Variants in LRP1B observed in about 807,000 individuals in gnomAD.
LRP1B encodes LDL receptor related protein 1B.
LRP1B carries 217 observed loss-of-function variants against 556.6 expected under a neutral mutation model. The observed-to-expected ratio is 0.39, with a 90% CI of 0.35 to 0.44. The LOEUF is 0.44. Ranked by LOEUF, LRP1B falls within the 20% of genes least tolerant of loss-of-function variation. LRP1B has a pLI of 1.00. For missense variants in LRP1B, 5,053 were observed against 5,620.8 expected, an observed-to-expected ratio of 0.90 and a Z score of 3.23; for synonymous variants, 2,047 against 1,865.8, an observed-to-expected ratio of 1.10 and a Z score of -2.50.
In LRP1B at chr2:140,746,425, C is replaced by T. The variant is rs137907648; in HGVS notation, c.5758+22788G>A. Among the ~76,000 whole-genome samples the T allele has an allele frequency of 4.2e-3, 634 of 152,094 alleles. 5 individuals are homozygous for T. The highest frequency in any genetic ancestry group is 0.013 in the African/African-American group (556 of 41,482). On this transcript the variant is annotated intron_variant, in intron 35 of 90. Coordinates refer to ENST00000389484, the MANE Select transcript of LRP1B (RefSeq NM_018557.3). The stretch of plus-strand genomic sequence containing the variant: ...AATATCGAATCAAAATGTAATTTTG[C>T]TAAGAAGCTTAAATAGGTAGATGGT...
intron 3 of LRP1B, among the ~76,000 whole-genome samples, chr2:141,399,446 C>A (rs551031185): frequency 2.6e-4 from 39 of 149,062 alleles, no homozygotes; most frequent in African/African-American, 8.5e-4. Context: ...GTCACTGTTT[C>A]CTCCCTTTCT....
chr2:140,732,342 A>C (rs1459221008), intron 35 of LRP1B, among the ~76,000 whole-genome samples: 3 of 152,100 alleles, frequency 2.0e-5, no homozygotes, highest in Non-Finnish European at 4.4e-5. Context: ...GATGTTTTTT[A>C]CTTGGATGAC....
chr2:141,639,210 T>G (rs1308989562), intron 2 of LRP1B, among the ~76,000 whole-genome samples: 1 of 139,344 alleles, frequency 7.2e-6, no homozygotes, highest in Non-Finnish European at 1.5e-5. Flanking sequence ...GGCAAAGCAG[T>G]GGTCTTTGCA....
At chr2:140,635,976 TC>T (rs1684058637) in intron 41 of LRP1B, among the ~76,000 whole-genome samples, 1 of 152,122 alleles carries the variant, frequency 6.6e-6, no homozygotes, top group Non-Finnish European at 1.5e-5. Flanking sequence ...CCTAGCCATT[TC>T]TTTGAGGTCT....
At chr2:141,761,733 T>TA (rs1199540953) in intron 2 of LRP1B, among the ~76,000 whole-genome samples, 4 of 152,094 alleles carry the variant, frequency 2.6e-5, no homozygotes, top group Non-Finnish European at 5.9e-5. Context: ...CTTTTTGTCA[T>TA]AAAAAAATGC....
At chr2:141,654,411 C>T (rs1689921330) in intron 2 of LRP1B, among the ~76,000 whole-genome samples, 1 of 152,116 alleles carries the variant, frequency 6.6e-6, no homozygotes, top group Admixed American at 6.5e-5. Flanking sequence ...TGAAACCTTG[C>T]TTGAACTGCC....
chr2:141,311,870 C>T (rs1686824987), intron 3 of LRP1B, among the ~76,000 whole-genome samples: 1 of 152,116 alleles, frequency 6.6e-6, no homozygotes, highest in Non-Finnish European at 1.5e-5. Flanking sequence ...GCAATTGGTA[C>T]TGAGAATTGG....
intron 1 of LRP1B, among the ~76,000 whole-genome samples, chr2:141,832,222 G>A (rs1697135010): frequency 6.7e-6 from 1 of 149,884 alleles, no homozygotes; most frequent in Non-Finnish European, 1.5e-5. Context: ...CTTAAGAACT[G>A]ATCCATTTGT....
intron 35 of LRP1B, among the ~76,000 whole-genome samples, chr2:140,756,123 T>A (rs1688734115): frequency 6.6e-6 from 1 of 151,844 alleles, no homozygotes; most frequent in Non-Finnish European, 1.5e-5. Context: ...AGAAATAAAG[T>A]TAAAGAAATA....
At chr2:140,354,374 C>T (rs1373754908) in intron 75 of LRP1B, among the ~76,000 whole-genome samples, 1 of 151,928 alleles carries the variant, frequency 6.6e-6, no homozygotes, top group Admixed American at 6.6e-5. Context: ...TGATACTTTG[C>T]CTAAGAACAC....
At chr2:141,579,762 T>G (rs1686897246) in intron 2 of LRP1B, among the ~76,000 whole-genome samples, 2 of 124,548 alleles carry the variant, frequency 1.6e-5, no homozygotes, top group African/African-American at 6.3e-5. Flanking sequence ...TGCAGTGGCG[T>G]GATCTCGGCT....
At chr2:140,312,989 G>C (rs1047719847) in intron 83 of LRP1B, among the ~76,000 whole-genome samples, 1 of 151,858 alleles carries the variant, frequency 6.6e-6, no homozygotes, top group South Asian at 2.1e-4. Context: ...TTGCCAAAAG[G>C]CTTAACTGTA....
intron 41 of LRP1B, among the ~76,000 whole-genome samples, chr2:140,610,704 G>A (rs1683040397): frequency 6.6e-6 from 1 of 152,310 alleles, no homozygotes; most frequent in East Asian, 1.9e-4. Context: ...TCCTGCCTCA[G>A]CCTCCTGAGT....
chr2:140,898,937 C>G (rs1694025383), intron 23 of LRP1B: 1 of 376,970 alleles, frequency 2.7e-6, no homozygotes, highest in East Asian at 6.8e-5. Flanking sequence ...ATAAAGATAT[C>G]TGGCTGTCCT....
At chr2:140,388,495 T>A (rs1683865177) in intron 66 of LRP1B, among the ~76,000 whole-genome samples, 1 of 152,192 alleles carries the variant, frequency 6.6e-6, no homozygotes, top group Admixed American at 6.5e-5. Context: ...TAAAAATACC[T>A]GCACCTATTT....
At position 140,700,596 on chromosome 2, in the gene LRP1B, A is replaced by T. The variant is rs762463457; in HGVS notation, c.6453T>A (p.Asn2151Lys). The T allele has an allele frequency of 6.2e-7, 1 of 1,613,502 alleles. No homozygotes were observed. The highest frequency in any genetic ancestry group is 8.5e-7 in the Non-Finnish European group (1 of 1,179,596). Residue 2151 changes from asparagine to lysine, a missense_variant, in exon 41 of 91, where the codon AAT becomes AAA. By Grantham distance (94) the Asn-to-Lys change is moderately conservative. Coordinates refer to ENST00000389484, the MANE Select transcript of LRP1B (RefSeq NM_018557.3). ...EKGTNVCARDNGGCKQLCLYR... is the reference protein window; with the variant it reads ...EKGTNVCARDKGGCKQLCLYR... ...AAAGACAGAGTTGCTTACAGCCACC[A>T]TTGTCCCTGGCACAAACATTGGTCC...
At chr2:141,502,473 G>T (rs764058685) in intron 2 of LRP1B, among the ~76,000 whole-genome samples, 5 of 152,082 alleles carry the variant, frequency 3.3e-5, no homozygotes, top group Non-Finnish European at 7.4e-5. Context: ...TAAAATAAAA[G>T]GTTACGATCT....
At chr2:141,374,902 CATT>C (rs1300883798) in intron 3 of LRP1B, among the ~76,000 whole-genome samples, 1 of 152,058 alleles carries the variant, frequency 6.6e-6, no homozygotes, top group Non-Finnish European at 1.5e-5. Context: ...GTTGCTGGAC[CATT>C]GTTGTGGTCC....
At position 141,134,208 on chromosome 2, in the gene LRP1B, G is replaced by A. The variant is rs531965216; in HGVS notation, c.1013+54213C>T. ...CCTCATCTACCATGACCTCTGTATC[G>A]TATCTATTTTGCAATATAGCCACGG... On this transcript the variant is annotated intron_variant, in intron 7 of 90. Transcript: ENST00000389484. Among the ~76,000 whole-genome samples, 327 of 151,660 alleles carry A rather than the reference G, an allele frequency of 2.2e-3. 1 individual carries two copies. Among genetic ancestry groups the A allele is most frequent in the Middle Eastern group, 3.4e-3 (1 of 294 alleles).
Sources: gnomAD v4.1 joint callset for allele counts (sites outside exome capture counted in the v4.1 genomes callset) on GRCh38, gnomAD v4.1.1 for gene constraint, MANE v1.5 for transcripts, NCBI Gene and HGNC (gene_info 2026-07-23, HGNC 2026-07-21) for gene names.